The following ATF1 variants were observed in gnomAD, a reference collection of about 807,000 sequenced individuals.
ATF1 encodes the protein cyclic AMP-dependent transcription factor ATF-1.
Under a neutral mutation model 34.7 loss-of-function variants are expected in ATF1, and 16 were observed. The observed-to-expected ratio is 0.46, with a 90% confidence interval of 0.31 to 0.70. The LOEUF (loss-of-function observed/expected upper bound fraction) is 0.70, where lower values mean the gene tolerates loss of function less well. Ranked by LOEUF, ATF1 falls within the 30% of genes least tolerant of loss-of-function variation. The pLI, the probability that ATF1 is intolerant of heterozygous loss-of-function variation, is 0.05. For synonymous variants in ATF1, 105 were observed against 113.1 expected, an observed-to-expected ratio of 0.93 and a Z score of 0.46; for missense variants, 255 against 321.6, an observed-to-expected ratio of 0.79 and a Z score of 1.58.
At chr12:50,797,224 T>G (rs190812920) in intron 3 of ATF1, among the ~76,000 whole-genome samples, 151 of 152,326 alleles carry the variant, frequency 9.9e-4, no homozygotes, top group Non-Finnish European at 7.8e-4. Flanking sequence ...TGATAATGAC[T>G]GCAATTTCCA....
chr12:50,812,938 T>C (rs753745387), intron 4 of ATF1, among the ~76,000 whole-genome samples: 110 of 152,132 alleles, frequency 7.2e-4, no homozygotes, highest in Admixed American at 7.9e-4. Flanking sequence ...AAAAAAAATA[T>C]TTTTCCATCA....
intron 4 of ATF1, among the ~76,000 whole-genome samples, chr12:50,811,430 T>C (rs1941735016): frequency 1.3e-5 from 2 of 152,044 alleles, no homozygotes; most frequent in South Asian, 4.1e-4. Context: ...ACCTGGCATA[T>C]AGTAGGCTTT....
Position 50,809,547 on chromosome 12 carries a change from T to C in ATF1, c.286T>C (p.Ser96Pro), listed in dbSNP as rs1565917725. The change falls in exon 4 of 7, where the codon TCT (serine) becomes CCT (proline). Residue 96 changes from serine (S) to proline (P), a missense_variant. Ser to Pro is a moderately conservative substitution (Grantham distance 74, BLOSUM62 -1). Coordinates refer to ENST00000262053, the MANE Select transcript of ATF1 (RefSeq NM_005171.5). Reference sequence around the variant, plus strand: ...AGTTTCTGCTGCTGTCACTTCTATGTCTGTTCCAACTCCCATCTATCAGAC... The same window carrying C: ...AGTTTCTGCTGCTGTCACTTCTATGCCTGTTCCAACTCCCATCTATCAGAC... ...SGVSAAVTSM[S>P]VPTPIYQTSS... 3 of 1,613,866 alleles carry C rather than the reference T, an allele frequency of 1.9e-6. No homozygotes were observed. The highest frequency in any genetic ancestry group is 1.7e-6 in the Non-Finnish European group (2 of 1,179,780).
At chr12:50,772,378 G>GT (rs1168725577) in intron 1 of ATF1, among the ~76,000 whole-genome samples, 1 of 148,778 alleles carries the variant, frequency 6.7e-6, no homozygotes, top group Non-Finnish European at 1.5e-5. Context: ...CCAGGCTGGA[G>GT]TGCAATGGCA....
chr12:50,787,023 A>G (rs1941199192), intron 2 of ATF1, among the ~76,000 whole-genome samples: 1 of 152,212 alleles, frequency 6.6e-6, no homozygotes, highest in Non-Finnish European at 1.5e-5. Flanking sequence ...AGTACACTTA[A>G]GGTAATCCAA....
chr12:50,764,090 A>C (rs1940561031), upstream of ATF1: 2 of 137,252 alleles, frequency 1.5e-5, no homozygotes, highest in African/African-American at 5.3e-5. Context: ...GCTTGTGTAG[A>C]TCATGCCGCC....
In ATF1 at chr12:50,781,543, C is replaced by T. The variant is rs142458906; in HGVS notation, c.93+1305C>T. On this transcript the variant is annotated intron_variant, in intron 2 of 6. Coordinates refer to ENST00000262053, the MANE Select transcript of ATF1 (RefSeq NM_005171.5). ...TCGGGTCACTACAACCTCCGCCTCC[C>T]GGGTTCAAACGATTCTCCTGCTTCA... is the stretch of plus-strand genomic sequence containing the variant. Among the ~76,000 whole-genome samples the T allele has an allele frequency of 6.3e-3, 966 of 152,174 alleles. 10 individuals are homozygous for T. The highest frequency in any genetic ancestry group is 0.022 in the African/African-American group (917 of 41,520).
chr12:50,766,280 G>A (rs991473083), intron 1 of ATF1, among the ~76,000 whole-genome samples: 4 of 152,154 alleles, frequency 2.6e-5, no homozygotes, highest in African/African-American at 4.8e-5. Context: ...AGGCAAGGAC[G>A]CTTAAGCTTG....
At chr12:50,780,296 A>C in intron 2 of ATF1, 58 bp downstream of exon 2, 1 of 1,406,046 alleles carries the variant, frequency 7.1e-7, no homozygotes, top group South Asian at 1.2e-5. Context: ...TATGCAGATT[A>C]ATCTCGTTTC....
At chr12:50,775,671 A>C (rs1161181219) in intron 1 of ATF1, 2 of 152,504 alleles carry the variant, frequency 1.3e-5, no homozygotes, top group Non-Finnish European at 2.9e-5. Context: ...GAGTCAGAGC[A>C]AAACAAAAGT....
chr12:50,795,981 G>A lies in ATF1; in HGVS notation c.166G>A (p.Gly56Arg), dbSNP rs545019582. The change falls in exon 3 of 7, where the codon GGG (glycine) becomes AGG (arginine). Residue 56 changes from glycine (G) to arginine (R), a missense_variant. This residue lies in a region of ATF1 where 221 missense variants were observed against 250.7 expected (regional missense o/e 0.88). Transcript: ENST00000262053. Reference sequence around the variant, plus strand: ...CATAGGCTCCTCACAGAAAGCCCACGGGATCCTAGCACGGCGCCCATCTTA... The same window carrying A: ...CATAGGCTCCTCACAGAAAGCCCACAGGATCCTAGCACGGCGCCCATCTTA... ...DSIGSSQKAH[G>R]ILARRPSYRK... 31 of 1,612,498 alleles carry A rather than the reference G, an allele frequency of 1.9e-5. No homozygotes were observed. The highest frequency in any genetic ancestry group is 1.7e-4 in the Middle Eastern group (1 of 6,044).
At chr12:50,769,933 T>C (rs989323508) in intron 1 of ATF1, among the ~76,000 whole-genome samples, 2 of 152,344 alleles carry the variant, frequency 1.3e-5, no homozygotes, top group South Asian at 4.1e-4. Context: ...TTCATGAATA[T>C]CAAATGAAAC....
chr12:50,785,284 T>TACATACAC, intron 2 of ATF1, among the ~76,000 whole-genome samples: 1 of 128,494 alleles, frequency 7.8e-6, no homozygotes, highest in South Asian at 2.8e-4. Flanking sequence ...TATATATACA[T>TACATACAC]ACACACACAC....
chr12:50,789,427 C>A (rs1162743780), intron 2 of ATF1, among the ~76,000 whole-genome samples: 2 of 152,042 alleles, frequency 1.3e-5, no homozygotes, highest in African/African-American at 4.8e-5. Flanking sequence ...AATTTAGAAT[C>A]TAGAATCTTT....
intron 3 of ATF1, among the ~76,000 whole-genome samples, chr12:50,804,234 A>G (rs1319420088): frequency 1.3e-5 from 2 of 152,328 alleles, no homozygotes; most frequent in East Asian, 1.9e-4. Context: ...CACTAATGAA[A>G]AAAACTAACA....
chr12:50,798,258 G>A (rs908168012), intron 3 of ATF1, among the ~76,000 whole-genome samples: 3 of 152,096 alleles, frequency 2.0e-5, no homozygotes, highest in African/African-American at 7.2e-5. Context: ...ATTTCAGTTA[G>A]CATTGGCTTT....
chr12:50,781,915 CAAAAA>C (rs56395543), intron 2 of ATF1, among the ~76,000 whole-genome samples: 2 of 107,156 alleles, frequency 1.9e-5, no homozygotes. Flanking sequence ...ACCCTATCTC[CAAAAA>C]AAAAAAAAAA....
intron 3 of ATF1, chr12:50,806,492 G>T (rs1941619835): frequency 3.8e-6 from 1 of 265,668 alleles, no homozygotes; most frequent in Non-Finnish European, 8.3e-6. Context: ...ATGGGGCTCA[G>T]GGCCTCTGCC....
At chr12:50,797,501 G>A (rs932650982) in intron 3 of ATF1, among the ~76,000 whole-genome samples, 13 of 152,000 alleles carry the variant, frequency 8.6e-5, no homozygotes, top group Admixed American at 5.2e-4. Flanking sequence ...TTTTTGAGAC[G>A]GAGGTCTCAC....
Sources: allele counts gnomAD v4.1 joint callset (sites outside exome capture counted in the v4.1 genomes callset), GRCh38; gene constraint gnomAD v4.1.1; regional missense constraint gnomAD v4.1.1; transcripts MANE v1.5; gene names NCBI Gene and HGNC (gene_info 2026-07-23, HGNC 2026-07-21).